Variants in DLG5 observed in about 807,000 individuals in gnomAD.
The protein encoded by DLG5 is disks large homolog 5.
In DLG5, 48 loss-of-function variants were observed where a neutral mutation model predicts 189.8. The observed-to-expected ratio is 0.25, with a 90% CI of 0.20 to 0.32. DLG5 has a LOEUF of 0.32. Among genes scored for constraint, DLG5 ranks in the 10% least tolerant of loss-of-function variants. The pLI is 1.00. For synonymous variants in DLG5, 1,016 were observed against 1,054.1 expected (o/e 0.96, Z 0.70); for missense variants, 2,160 against 2,544.7 (o/e 0.85, Z 3.25).
intron 1 of DLG5, 46 bp from the exon 2 acceptor site, chr10:77,869,243 C>T (rs773545026): frequency 5.7e-6 from 9 of 1,567,250 alleles, no homozygotes; most frequent in Non-Finnish European, 7.9e-6. Context: ...AGGGGTCACT[C>T]GTCTTCACCC....
At position 77,803,128 on chromosome 10, in the gene DLG5, T is replaced by C. The variant is rs142159870; in HGVS notation, c.5164+2537A>G. Among the ~76,000 whole-genome samples the C allele has an allele frequency of 1.5e-3, 232 of 152,204 alleles. 1 individual carries two copies. The highest frequency in any genetic ancestry group is 5.4e-3 in the African/African-American group (224 of 41,530). ...TGTGAGAGGATAACAGTAGATGATA[T>C]AGGGGCAGAATAAAACAAAACACAT... On this transcript the variant is annotated intron_variant, in intron 27 of 31. Coordinates refer to ENST00000372391, the MANE Select transcript of DLG5 (RefSeq NM_004747.4).
chr10:77,914,933 C>T (rs765508166), intron 1 of DLG5, among the ~76,000 whole-genome samples: 3 of 152,128 alleles, frequency 2.0e-5, no homozygotes, highest in Non-Finnish European at 4.4e-5. Flanking sequence ...TCATTCTTGG[C>T]GAACTCCATA....
intron 2 of DLG5, among the ~76,000 whole-genome samples, chr10:77,859,281 T>C (rs1844379854): frequency 4.6e-5 from 7 of 152,248 alleles, no homozygotes; most frequent in Admixed American, 4.6e-4. Context: ...CAGTTTACTA[T>C]TGAAGAAGGA....
intron 27 of DLG5, among the ~76,000 whole-genome samples, chr10:77,803,723 A>C (rs1395968761): frequency 6.6e-6 from 1 of 152,176 alleles, no homozygotes. Context: ...ACAAAGGGCT[A>C]TTTTTTAAAG....
intron 15 of DLG5, chr10:77,820,371 A>C: frequency 1.1e-5 from 2 of 184,346 alleles, no homozygotes; most frequent in Non-Finnish European, 2.3e-5. Flanking sequence ...AAAAAACCAA[A>C]CAGTGGAACG....
chr10:77,810,873 G>GA (rs1356686494), intron 23 of DLG5, among the ~76,000 whole-genome samples: 1 of 152,120 alleles, frequency 6.6e-6, no homozygotes, highest in East Asian at 1.9e-4. Flanking sequence ...AGATGCAGGG[G>GA]AAAAAACAAG....
chr10:77,815,673 T>A (rs1009234821), intron 20 of DLG5, among the ~76,000 whole-genome samples: 1 of 152,020 alleles, frequency 6.6e-6, no homozygotes, highest in Non-Finnish European at 1.5e-5. Context: ...AAAAAAAATA[T>A]GTTTTCTTAA....
intron 11 of DLG5, among the ~76,000 whole-genome samples, chr10:77,829,774 T>A (rs373163806): frequency 6.6e-6 from 1 of 152,214 alleles, no homozygotes; most frequent in African/African-American, 2.4e-5. Flanking sequence ...GGCCTCAGCG[T>A]CTTCATATGT....
rs763442671 is a variant in DLG5 at position 77,821,326 on chromosome 10, G to A, written c.3158C>T (p.Pro1053Leu). 7 of 1,613,260 alleles carry A rather than the reference G, an allele frequency of 4.3e-6. No individual in the cohort carries two copies. In the East Asian group the frequency reaches 1.6e-4, roughly 36 times the overall value. ...CATGGGCTCCCCGGGGTCCACGTCAGGGGGCAGGGCGCTCGGGGGACTAGT... is the reference window on the plus strand; with the variant it reads ...CATGGGCTCCCCGGGGTCCACGTCAAGGGGCAGGGCGCTCGGGGGACTAGT... ...PSTSPPSALP[P>L]DVDPGEPMHA... The change falls in exon 15 of 32, where the codon CCT becomes CTT. Residue 1053 changes from proline to leucine, a missense_variant. This residue lies in a region of DLG5 where 754 missense variants were observed against 746.5 expected (regional missense o/e 1.01). Transcript: ENST00000372391.
chr10:77,905,024 G>C (rs1461976222), intron 1 of DLG5, among the ~76,000 whole-genome samples: 1 of 151,570 alleles, frequency 6.6e-6, no homozygotes, highest in Non-Finnish European at 1.5e-5. Context: ...AGCTACTCGG[G>C]AGGCTGAGGA....
intron 1 of DLG5, chr10:77,869,420 A>C: frequency 2.0e-6 from 1 of 510,392 alleles, no homozygotes; most frequent in South Asian, 2.4e-5. Context: ...TGCTCTGGGC[A>C]GGCGGGCAGA....
chr10:77,889,264 T>G (rs180699070), intron 1 of DLG5, among the ~76,000 whole-genome samples: 1 of 145,478 alleles, frequency 6.9e-6, no homozygotes, highest in Non-Finnish European at 1.5e-5. Flanking sequence ...GCAGAACCAA[T>G]GAAGTCTGTT....
At chr10:77,846,214 C>T (rs2154576458) in intron 5 of DLG5, among the ~76,000 whole-genome samples, 1 of 152,098 alleles carries the variant, frequency 6.6e-6, no homozygotes, top group Middle Eastern at 3.4e-3. Flanking sequence ...CATGGCACTC[C>T]AGCCTGGGTG....
At chr10:77,867,606 A>G (rs534846610) in intron 2 of DLG5, among the ~76,000 whole-genome samples, 2 of 152,348 alleles carry the variant, frequency 1.3e-5, no homozygotes, top group East Asian at 3.9e-4. Flanking sequence ...CAGTCCCAGA[A>G]GGGCCTGCCC....
chr10:77,802,702 C>T (rs1841274235), intron 27 of DLG5, among the ~76,000 whole-genome samples: 1 of 152,166 alleles, frequency 6.6e-6, no homozygotes, highest in South Asian at 2.1e-4. Context: ...AGTTTCAAGA[C>T]CAGCCTGGCC....
the DLG5 span, among the ~76,000 whole-genome samples, chr10:77,939,602 G>T: frequency 6.6e-6 from 1 of 152,198 alleles, no homozygotes; most frequent in African/African-American, 2.4e-5. Flanking sequence ...GGAAAGTGAT[G>T]AAATCAACCA....
At chr10:77,905,780 CTTAT>C (rs1168917300) in intron 1 of DLG5, among the ~76,000 whole-genome samples, 1 of 152,176 alleles carries the variant, frequency 6.6e-6, no homozygotes, top group Non-Finnish European at 1.5e-5. Context: ...TCTCTCTCGT[CTTAT>C]TTATTTCCTT....
rs938022181 is a variant in DLG5 at position 77,796,051 on chromosome 10, C to G, written c.5436+10G>C. 5.0e-6 allele frequency: 8 copies of G among 1,614,058 alleles called. No individual in the cohort carries two copies. In the South Asian group the frequency reaches 5.5e-5, roughly 11 times the overall value. ...TGGATGCCTAATCCTCAGACTGAAGCCCTGGGTACCTTTTCTGTGATCTCC... is the reference window on the plus strand; with the variant it reads ...TGGATGCCTAATCCTCAGACTGAAGGCCTGGGTACCTTTTCTGTGATCTCC... On this transcript the variant is annotated intron_variant, in intron 29 of 31. Transcript: ENST00000372391. The surrounding 1 kb of genome is among the most constrained non-coding windows in gnomAD (Gnocchi z 5.2).
At chr10:77,820,784 C>T in intron 15 of DLG5, 1 of 422,084 alleles carries the variant, frequency 2.4e-6, no homozygotes, top group Admixed American at 4.0e-5. Flanking sequence ...CCCTTCAAGG[C>T]AAGTCTATGC....
Sources: gnomAD v4.1 joint callset for allele counts (sites outside exome capture counted in the v4.1 genomes callset) on GRCh38, gnomAD v4.1.1 for gene constraint, gnomAD v4.1.1 regional missense constraint, Gnocchi (gnomAD v3.1) non-coding constraint, MANE v1.5 for transcripts, NCBI Gene and HGNC (gene_info 2026-07-23, HGNC 2026-07-21) for gene names.